The following MAP4K4 variants were observed in gnomAD, a reference collection of about 807,000 sequenced individuals.
MAP4K4 encodes HPK/GCK-like kinase HGK.
Under a neutral mutation model 189.6 loss-of-function variants are expected in MAP4K4, and 38 were observed. The observed-to-expected ratio is 0.20, with a 90% CI of 0.15 to 0.26. The LOEUF is 0.26. Among genes scored for constraint, MAP4K4 ranks in the 10% least tolerant of loss-of-function variants. The probability of loss-of-function intolerance (pLI) is 1.00; values close to 1 mark genes in which losing one functional copy is unlikely to be tolerated. For synonymous variants in MAP4K4, 610 were observed against 624.3 expected (o/e 0.98, Z 0.34); for missense variants, 1,054 against 1,726.9 (o/e 0.61, Z 6.91).
At chr2:101,812,053 G>A (rs1315931517) in intron 3 of MAP4K4, among the ~76,000 whole-genome samples, 2 of 152,144 alleles carry the variant, frequency 1.3e-5, no homozygotes, top group Admixed American at 1.3e-4. Flanking sequence ...GAGAGACTTT[G>A]TATGTGTTTT....
At chr2:101,891,626 T>C (rs2098568348) in exon 33 of MAP4K4, 1 of 173,970 alleles carries the variant, frequency 5.7e-6, no homozygotes, top group Non-Finnish European at 1.2e-5. Context: ...ACGATGAACA[T>C]GCCGTTGGTT....
chr2:101,717,952 A>G (rs977916394), intron 2 of MAP4K4, among the ~76,000 whole-genome samples: 8 of 151,758 alleles, frequency 5.3e-5, no homozygotes, highest in Non-Finnish European at 1.2e-4. Context: ...ACTGTGTGTT[A>G]TTAAAAAAAA....
At chr2:101,758,568 G>A (rs1281151978) in intron 2 of MAP4K4, among the ~76,000 whole-genome samples, 3 of 152,130 alleles carry the variant, frequency 2.0e-5, no homozygotes, top group Non-Finnish European at 2.9e-5. Flanking sequence ...TATACTTGGG[G>A]GTCTTGGAAC....
chr2:101,770,373 C>G (rs7597376), intron 2 of MAP4K4, among the ~76,000 whole-genome samples: 3 of 151,416 alleles, frequency 2.0e-5, no homozygotes, highest in South Asian at 2.1e-4. Context: ...CTCAGCCTCC[C>G]GAGTAGGTGG....
intron 2 of MAP4K4, among the ~76,000 whole-genome samples, chr2:101,730,623 G>T (rs114421449): frequency 0.036 from 5,414 of 152,232 alleles, 105 homozygotes; most frequent in East Asian, 0.047. Context: ...CAGTACGGGG[G>T]TATTTCTGTC....
intron 5 of MAP4K4, among the ~76,000 whole-genome samples, chr2:101,826,046 T>C (rs2096341091): frequency 6.6e-6 from 1 of 152,174 alleles, no homozygotes; most frequent in African/African-American, 2.4e-5. Context: ...ATTTGAGCAG[T>C]GCATGTAGGA....
intron 28 of MAP4K4, among the ~76,000 whole-genome samples, chr2:101,884,498 A>G: frequency 6.6e-6 from 1 of 152,256 alleles, no homozygotes; most frequent in Non-Finnish European, 1.5e-5. Flanking sequence ...TCATGCACAA[A>G]GAAGAAATCA....
intron 3 of MAP4K4, among the ~76,000 whole-genome samples, chr2:101,803,245 A>ATATGTGTG (rs1553484245): frequency 6.7e-6 from 1 of 150,358 alleles, no homozygotes; most frequent in Middle Eastern, 3.4e-3. Flanking sequence ...GATGATGATG[A>ATATGTGTG]TGTGTGTGTG....
At chr2:101,867,933 T>C in intron 20 of MAP4K4, 96 bp from the exon 21 acceptor site, 1 of 1,198,122 alleles carries the variant, frequency 8.3e-7, no homozygotes, top group South Asian at 1.3e-5. Flanking sequence ...TTTCTGTACT[T>C]CTCCCTCTCC....
intron 27 of MAP4K4, 131 bp downstream of exon 27, chr2:101,877,277 CAAT>C: frequency 1.1e-6 from 1 of 888,006 alleles, no homozygotes; most frequent in Non-Finnish European, 1.7e-6. Context: ...TGAGACTTGA[CAAT>C]AATGTGAGCT....
intron 26 of MAP4K4, 107 bp from the exon 27 acceptor site, chr2:101,876,896 A>T: frequency 1.8e-6 from 2 of 1,121,436 alleles, no homozygotes; most frequent in Non-Finnish European, 2.6e-6. Flanking sequence ...TGGGTGAATT[A>T]AGGAAGCTAC....
chr2:101,825,120 C>T (rs1369264925), intron 4 of MAP4K4, among the ~76,000 whole-genome samples, 199 bp from the exon 5 acceptor site: 1 of 152,190 alleles, frequency 6.6e-6, no homozygotes, highest in Non-Finnish European at 1.5e-5. Flanking sequence ...CACTGTCAGT[C>T]TTCTGGACCA....
Position 101,866,445 on chromosome 2 carries a change from T to TTC in MAP4K4, c.2224_2225dup (p.Trp743CysfsTer43). On this transcript the variant is annotated frameshift_variant, in exon 19 of 33. Coordinates refer to ENST00000324219, the Ensembl canonical transcript of MAP4K4. LOFTEE classifies it high-confidence loss of function. ...TCTAACAGCAGTATTGAGCCCAGGC[T>TTC]TCTGTGGGAGAGAGTGGAGAAGCTG... 6.2e-7 allele frequency: 1 copy of TTC among 1,613,140 alleles called. No homozygotes were observed. Among genetic ancestry groups the TTC allele is most frequent in the Non-Finnish European group, 8.5e-7 (1 of 1,179,232 alleles).
intron 22 of MAP4K4, 92 bp downstream of exon 22, chr2:101,869,889 C>T: frequency 7.7e-6 from 11 of 1,427,410 alleles, no homozygotes; most frequent in Non-Finnish European, 1.0e-5. Flanking sequence ...TATTCCGTGA[C>T]CCCATGAGCA....
At chr2:101,860,287 C>T (rs984339746) in intron 15 of MAP4K4, 1 of 250,746 alleles carries the variant, frequency 4.0e-6, no homozygotes, top group African/African-American at 2.2e-5. Flanking sequence ...TAGGGTTACC[C>T]AGAGCCTCAG....
intron 3 of MAP4K4, among the ~76,000 whole-genome samples, chr2:101,800,588 TATTC>T (rs1222264864): frequency 1.3e-5 from 2 of 152,238 alleles, no homozygotes; most frequent in East Asian, 1.9e-4. Context: ...AAAAGTATCA[TATTC>T]ATTCTTATTG....
chr2:101,836,480 C>T (rs773981033), intron 9 of MAP4K4, among the ~76,000 whole-genome samples: 2 of 151,762 alleles, frequency 1.3e-5, no homozygotes, highest in South Asian at 2.1e-4. Flanking sequence ...CCCAGCTACT[C>T]GGGAGGCTGA....
chr2:101,870,143 A>G (rs1286747563), intron 22 of MAP4K4, 152 bp from the exon 23 acceptor site: 6 of 740,116 alleles, frequency 8.1e-6, no homozygotes, highest in Non-Finnish European at 1.3e-5. Flanking sequence ...ATTCTTTGTT[A>G]AAGGGAGAAA....
chr2:101,728,718 C>T (rs778682845), intron 2 of MAP4K4, among the ~76,000 whole-genome samples: 33 of 152,230 alleles, frequency 2.2e-4, no homozygotes, highest in Non-Finnish European at 4.7e-4. Context: ...GGGGTTTCAC[C>T]AGGTTGTCCA....
Sources: gnomAD v4.1 joint callset for allele counts (sites outside exome capture counted in the v4.1 genomes callset) on GRCh38, gnomAD v4.1.1 for gene constraint, MANE v1.5 for transcripts, NCBI Gene and HGNC (gene_info 2026-07-23, HGNC 2026-07-21) for gene names.